Variants in VRK2 observed in about 807,000 individuals in gnomAD.
The protein encoded by VRK2 is serine/threonine-protein kinase VRK2.
A neutral mutation model predicts 57.6 loss-of-function variants in VRK2; 60 were observed. That is an observed-to-expected ratio of 1.04 (90% CI 0.85 to 1.29). VRK2 has a LOEUF of 1.29. Ranked by LOEUF, VRK2 falls within the 50% of genes most tolerant of loss-of-function variation. VRK2 has a pLI of 0.00. For missense variants in VRK2, 705 were observed against 588.1 expected, an observed-to-expected ratio of 1.20 and a Z score of -2.06; for synonymous variants, 231 against 199.2, an observed-to-expected ratio of 1.16 and a Z score of -1.35.
intron 1 of VRK2, among the ~76,000 whole-genome samples, chr2:58,011,234 G>A (rs977484069): frequency 1.3e-5 from 2 of 152,214 alleles, no homozygotes; most frequent in Non-Finnish European, 2.9e-5. Context: ...TAGGGCAAGG[G>A]CAAAACTTCA....
chr2:57,984,330 T>A (rs376106347), intron 1 of VRK2, among the ~76,000 whole-genome samples: 43 of 152,066 alleles, frequency 2.8e-4, no homozygotes, highest in Middle Eastern at 3.4e-3. Context: ...AATGTATCAC[T>A]GAAAATGAGA....
At chr2:58,002,812 A>T (rs1211425808) in intron 1 of VRK2, among the ~76,000 whole-genome samples, 1 of 152,230 alleles carries the variant, frequency 6.6e-6, no homozygotes, top group Non-Finnish European at 1.5e-5. Context: ...CTTTTCAGAC[A>T]TTAGAATAAT....
At chr2:58,079,334 G>C (rs1161847594) in intron 2 of VRK2, among the ~76,000 whole-genome samples, 7 of 152,024 alleles carry the variant, frequency 4.6e-5, no homozygotes, top group Non-Finnish European at 1.0e-4. Flanking sequence ...TAAGTGTCTT[G>C]TGGGAAGACA....
chr2:58,048,965 T>A lies in VRK2; in HGVS notation c.134T>A (p.Leu45Ter), dbSNP rs371129971. 6 of 1,610,620 alleles carry A rather than the reference T, an allele frequency of 3.7e-6. No homozygotes were observed. In the African/African-American group the frequency reaches 5.4e-5, roughly 14 times the overall value. The change falls in exon 2 of 13, where the codon TTA becomes TAA. Residue 45 changes from leucine (L) to a stop codon, truncating the protein, a stop_gained and splice_region_variant. Coordinates refer to ENST00000340157, the MANE Select transcript of VRK2 (RefSeq NM_006296.7). LOFTEE classifies it high-confidence loss of function. ...IGSGGFGLIY[L>*]AFPTNKPEKD... Reference sequence around the variant, plus strand: ...TCTGGAGGATTTGGATTGATATATTTAGGTAAAGTAAAACCTTAAATTAAC... The same window carrying A: ...TCTGGAGGATTTGGATTGATATATTAAGGTAAAGTAAAACCTTAAATTAAC...
At chr2:57,983,063 T>C (rs1672480819) in intron 1 of VRK2, among the ~76,000 whole-genome samples, 1 of 152,160 alleles carries the variant, frequency 6.6e-6, no homozygotes, top group Non-Finnish European at 1.5e-5. Flanking sequence ...ACTGGGCCAC[T>C]CTGTCCAGGG....
At chr2:57,928,429 A>G (rs1334785131) in intron 1 of VRK2, among the ~76,000 whole-genome samples, 1 of 152,050 alleles carries the variant, frequency 6.6e-6, no homozygotes, top group East Asian at 1.9e-4. Flanking sequence ...TAGGCTTCTG[A>G]ATTCTTTCTT....
chr2:58,018,832 G>A (rs1673663480), intron 1 of VRK2, among the ~76,000 whole-genome samples: 1 of 151,990 alleles, frequency 6.6e-6, no homozygotes, highest in African/African-American at 2.4e-5. Context: ...CTATTCTGCA[G>A]GTTTGTTCCA....
At chr2:58,088,962 A>G (rs1475052678) in intron 6 of VRK2, among the ~76,000 whole-genome samples, 1 of 152,132 alleles carries the variant, frequency 6.6e-6, no homozygotes, top group Non-Finnish European at 1.5e-5. Context: ...TATTTGTCTT[A>G]TATGTTTGTA....
intron 1 of VRK2, among the ~76,000 whole-genome samples, chr2:57,930,818 C>T (rs1455323633): frequency 6.6e-6 from 1 of 152,080 alleles, no homozygotes; most frequent in Non-Finnish European, 1.5e-5. Flanking sequence ...TTTTAAAATA[C>T]CACATATAAG....
At chr2:57,974,795 G>T (rs185740777) in intron 1 of VRK2, among the ~76,000 whole-genome samples, 3 of 151,762 alleles carry the variant, frequency 2.0e-5, no homozygotes, top group Admixed American at 2.0e-4. Flanking sequence ...GATAAAAGCA[G>T]AAAATAATAA....
intron 7 of VRK2, among the ~76,000 whole-genome samples, chr2:58,098,248 A>C (rs1326345048): frequency 1.3e-5 from 2 of 152,168 alleles, no homozygotes; most frequent in Admixed American, 6.5e-5. Context: ...TTTTAAAAAA[A>C]TAAATAGTTT....
chr2:58,114,829 C>T (rs1676174414), intron 7 of VRK2, among the ~76,000 whole-genome samples: 1 of 152,156 alleles, frequency 6.6e-6, no homozygotes, highest in Non-Finnish European at 1.5e-5. Context: ...CTGTGGTGGC[C>T]TTCTCAGACC....
intron 1 of VRK2, among the ~76,000 whole-genome samples, chr2:57,958,409 ATG>A (rs373932144): frequency 5.3e-4 from 79 of 148,440 alleles, no homozygotes; most frequent in African/African-American, 1.2e-3. Flanking sequence ...ATATGTGTGT[ATG>A]TGTGTGTGTG....
At chr2:57,952,926 A>G (rs1030760942) in intron 1 of VRK2, among the ~76,000 whole-genome samples, 2 of 152,152 alleles carry the variant, frequency 1.3e-5, no homozygotes, top group African/African-American at 4.8e-5. Context: ...TTAGAAGACA[A>G]TGATACCTTC....
At chr2:58,079,452 A>T (rs561181519) in intron 2 of VRK2, among the ~76,000 whole-genome samples, 2 of 152,056 alleles carry the variant, frequency 1.3e-5, no homozygotes, top group Non-Finnish European at 2.9e-5. Context: ...TTACTGTGAC[A>T]TTTGCCAAAT....
chr2:57,940,371 A>G (rs576054873), intron 1 of VRK2, among the ~76,000 whole-genome samples: 1 of 152,224 alleles, frequency 6.6e-6, no homozygotes, highest in Non-Finnish European at 1.5e-5. Flanking sequence ...TTTTTGTTCA[A>G]CTCAGGACCT....
At chr2:58,122,406 A>G (rs1442879072) in intron 7 of VRK2, among the ~76,000 whole-genome samples, 1 of 152,232 alleles carries the variant, frequency 6.6e-6, no homozygotes, top group Non-Finnish European at 1.5e-5. Flanking sequence ...CGAGTAATAC[A>G]TATTCTATAG....
intron 12 of VRK2, among the ~76,000 whole-genome samples, chr2:58,150,366 C>G (rs1405191187): frequency 2.6e-5 from 4 of 151,294 alleles, no homozygotes; most frequent in Non-Finnish European, 5.9e-5. Flanking sequence ...TCCATCTCAT[C>G]TAAGTTTTCA....
chr2:57,934,096 TAAC>T (rs1434415579), intron 1 of VRK2, among the ~76,000 whole-genome samples: 2 of 152,206 alleles, frequency 1.3e-5, no homozygotes, highest in African/African-American at 4.8e-5. Flanking sequence ...ATGTATCTGT[TAAC>T]AAATTATTGA....
Sources: gnomAD v4.1 joint callset for allele counts (sites outside exome capture counted in the v4.1 genomes callset) on GRCh38, gnomAD v4.1.1 for gene constraint, MANE v1.5 for transcripts, NCBI Gene and HGNC (gene_info 2026-07-23, HGNC 2026-07-21) for gene names.